SIRPA: variants seen among roughly 807,000 people sequenced by gnomAD.
SIRPA encodes the protein signal regulatory protein alpha.
A neutral mutation model predicts 50.3 loss-of-function variants in SIRPA; 9 were observed. The observed-to-expected ratio is 0.18, with a 90% confidence interval of 0.11 to 0.31. SIRPA has a LOEUF of 0.31. Ranked by LOEUF, SIRPA falls within the 10% of genes least tolerant of loss-of-function variation. The probability of loss-of-function intolerance (pLI) is 1.00; values close to 1 mark genes in which losing one functional copy is unlikely to be tolerated. For synonymous variants in SIRPA, 265 were observed against 284.1 expected, an observed-to-expected ratio of 0.93 and a Z score of 0.68; for missense variants, 474 against 661.6, an observed-to-expected ratio of 0.72 and a Z score of 3.11.
chr20:1,916,262 T>C (rs1327183767), intron 2 of SIRPA, among the ~76,000 whole-genome samples: 1 of 152,150 alleles, frequency 6.6e-6, no homozygotes, highest in Non-Finnish European at 1.5e-5. Flanking sequence ...TTGTTCTAAC[T>C]CCGAATCCTG....
chr20:1,912,826 G>A (rs1227107718), intron 1 of SIRPA, among the ~76,000 whole-genome samples: 1 of 152,200 alleles, frequency 6.6e-6, no homozygotes, highest in African/African-American at 2.4e-5. Context: ...GTGCTTCCCC[G>A]AGGCAGCCTT....
intron 1 of SIRPA, among the ~76,000 whole-genome samples, chr20:1,908,758 A>G (rs1600406279): frequency 1.3e-5 from 2 of 152,092 alleles, no homozygotes; most frequent in East Asian, 3.9e-4. Context: ...CATCCGCTTT[A>G]ATGTACACTC....
rs1033320320 is a variant in SIRPA, at chr20:1,895,492, C to T, written c.45C>T (p.Leu15=). The part of the protein sequence containing the change: ...GPAPGRLGPL[L]CLLLAASCAW... ...CCCCCGGCCGCCTCGGGCCGCTGCTCTGCCTGCTGCTCGCCGCGTCCTGCG... is the reference window on the plus strand; with the variant it reads ...CCCCCGGCCGCCTCGGGCCGCTGCTTTGCCTGCTGCTCGCCGCGTCCTGCG... Residue 15 remains leucine (L), a synonymous_variant, in exon 1 of 8, where the codon CTC becomes CTT. Coordinates refer to ENST00000358771, the MANE Select transcript of SIRPA (RefSeq NM_001040023.2). The T allele has an allele frequency of 3.4e-6, 5 of 1,459,512 alleles. No homozygotes were observed. The highest frequency in any genetic ancestry group is 3.0e-5 in the East Asian group (1 of 33,490). 90.4% of individuals were successfully genotyped at this position (1,459,512 alleles called of 1,614,324 possible). A position where few individuals can be genotyped will look rare whatever the true frequency, so the allele number is the denominator to read the frequency against.
chr20:1,895,521 G>A lies in SIRPA; in HGVS notation c.74G>A (p.Trp25Ter). 1 of 1,458,556 alleles carries A rather than the reference G, an allele frequency of 6.9e-7. No individual in the cohort carries two copies. The highest frequency in any genetic ancestry group is 3.0e-5 in the East Asian group (1 of 33,394). 90.4% of individuals were successfully genotyped at this position (1,458,556 alleles called of 1,614,324 possible). ...LCLLLAASCA[W>*]SGVAGEEELQ... ...CTGCTGCTCGCCGCGTCCTGCGCCT[G>A]GTCAGGTAAGCACCCCCCCGCTCCC... Residue 25 changes from tryptophan (W) to a stop codon, truncating the protein, a stop_gained, in exon 1 of 8, where the codon TGG (tryptophan) becomes TAG (stop). Coordinates refer to ENST00000358771, the MANE Select transcript of SIRPA (RefSeq NM_001040023.2). LOFTEE classifies it high-confidence loss of function.
At chr20:1,930,934 A>G (rs533703636) in intron 6 of SIRPA, among the ~76,000 whole-genome samples, 1 of 152,216 alleles carries the variant, frequency 6.6e-6, no homozygotes, top group Admixed American at 6.5e-5. Context: ...CGATTAGACA[A>G]TGAGTTTCTG....
chr20:1,914,924 C>T (rs66523711), intron 1 of SIRPA, among the ~76,000 whole-genome samples, 175 bp from the exon 2 acceptor site: 61,864 of 151,650 alleles, frequency 0.41, 12,941 homozygotes, highest in East Asian at 0.66. Flanking sequence ...ACTTAGAATA[C>T]AGGCTCATGT....
chr20:1,903,781 A>G (rs1001291674), intron 1 of SIRPA, among the ~76,000 whole-genome samples: 1 of 151,816 alleles, frequency 6.6e-6, no homozygotes, highest in African/African-American at 2.4e-5. Context: ...TGCTGTCCCA[A>G]CCACCCCATT....
chr20:1,914,968 A>G (rs1388954961), intron 1 of SIRPA, 131 bp from the exon 2 acceptor site: 5 of 782,856 alleles, frequency 6.4e-6, no homozygotes, highest in Non-Finnish European at 1.0e-5. Flanking sequence ...ATGAGATGAT[A>G]CATGCACTAT....
chr20:1,934,786 A>G lies in SIRPA; in HGVS notation c.1266+32A>G, dbSNP rs773875185. ...TCCTTGGTGAGATGCCCTTCCTGGG[A>G]AACTCCGTGGCGTGGTTGCTTCACA... is the stretch of plus-strand genomic sequence containing the variant. On this transcript the variant is annotated intron_variant, in intron 7 of 7. Coordinates refer to ENST00000358771, the MANE Select transcript of SIRPA (RefSeq NM_001040023.2). The surrounding 1 kb of genome is among the most constrained non-coding windows in gnomAD (Gnocchi z 4.6). 1.2e-6 allele frequency: 2 copies of G among 1,613,076 alleles called. No individual in the cohort carries two copies. The highest frequency in any genetic ancestry group is 1.7e-6 in the Non-Finnish European group (2 of 1,179,234).
chr20:1,925,171 C>A (rs1341449088), intron 5 of SIRPA, among the ~76,000 whole-genome samples: 1 of 152,208 alleles, frequency 6.6e-6, no homozygotes, highest in East Asian at 1.9e-4. Flanking sequence ...GGCAGGGACT[C>A]TTCTTACCTG....
intron 1 of SIRPA, among the ~76,000 whole-genome samples, chr20:1,899,054 C>G (rs1224386052): frequency 1.3e-5 from 2 of 152,074 alleles, no homozygotes; most frequent in Non-Finnish European, 2.9e-5. Context: ...CTCCGTGCGA[C>G]AGGTTATTTT....
Position 1,937,492 on chromosome 20 carries a change from G to A in SIRPA, c.1439G>A (p.Arg480Gln), listed in dbSNP as rs566700469. The change falls in exon 8 of 8, where the codon CGG becomes CAG. Residue 480 changes from arginine (R) to glutamine (Q), a missense_variant. Arg to Gln is a conservative substitution (Grantham distance 43). This residue lies in a region of SIRPA where 180 missense variants were observed against 206.7 expected (regional missense o/e 0.87). Coordinates refer to ENST00000358771, the MANE Select transcript of SIRPA (RefSeq NM_001040023.2). The surrounding 1 kb of genome is among the most constrained non-coding windows in gnomAD (Gnocchi z 8.3). ...YADLDMVHLN[R>Q]TPKQPAPKPE... is the part of the protein sequence containing the mutation. ...GACCTGGACATGGTCCACCTCAACC[G>A]GACCCCCAAGCAGCCGGCCCCCAAG... 279 of 1,614,076 alleles carry A rather than the reference G, an allele frequency of 1.7e-4. 2 individuals are homozygous for A. The South Asian group carries it at 2.4e-3, about 14-fold the overall frequency.
At chr20:1,926,699 A>G (rs984624140) in intron 5 of SIRPA, among the ~76,000 whole-genome samples, 17 of 152,216 alleles carry the variant, frequency 1.1e-4, no homozygotes. Flanking sequence ...AGATGAGGAA[A>G]CTGAGGCATG....
At chr20:1,897,738 TG>T (rs1052806539) in intron 1 of SIRPA, among the ~76,000 whole-genome samples, 5 of 134,152 alleles carry the variant, frequency 3.7e-5, no homozygotes, top group South Asian at 5.2e-4. Flanking sequence ...ATCACTGTTT[TG>T]GGGGGGTGGG....
chr20:1,917,251 C>T (rs1412718816), intron 2 of SIRPA, among the ~76,000 whole-genome samples: 1 of 152,136 alleles, frequency 6.6e-6, no homozygotes, highest in Non-Finnish European at 1.5e-5. Flanking sequence ...GCCCCCTTTA[C>T]AGATAAGGAC....
chr20:1,927,258 G>A lies in SIRPA; in HGVS notation c.1202-617G>A, dbSNP rs543663726. Among the ~76,000 whole-genome samples the A allele has an allele frequency of 1.2e-4, 18 of 152,348 alleles. No individual in the cohort carries two copies. The highest frequency in any genetic ancestry group is 4.1e-4 in the African/African-American group (17 of 41,590). ...GTCAAACGGCTGCTGAACCCTGGAG[G>A]CTTCTCTGTGGGTTACCCCATATCA... On this transcript the variant is annotated intron_variant, in intron 5 of 7. Coordinates refer to ENST00000358771, the MANE Select transcript of SIRPA (RefSeq NM_001040023.2). The surrounding 1 kb of genome is among the most constrained non-coding windows in gnomAD (Gnocchi z 6.5).
At position 1,900,103 on chromosome 20, in the gene SIRPA, CT is replaced by C. The variant is rs11481009; in HGVS notation, c.79+4591del. 2.2e-3 allele frequency among the ~76,000 whole-genome samples: 275 copies of C among 127,126 alleles called. 1 individual carries two copies. The highest frequency in any genetic ancestry group is 3.2e-3 in the Non-Finnish European group (193 of 61,092). 83.4% of individuals were successfully genotyped at this position (127,126 alleles called of 152,430 possible). On this transcript the variant is annotated intron_variant, in intron 1 of 7. Transcript: ENST00000358771. ...ATTTTCCTTGTAGCTTTTTTTTTTT[CT>C]TTTTTTTTTTTTTGAGATGGAGTTT...
chr20:1,940,370 A>G lies in SIRPA; in HGVS notation c.*2802A>G, dbSNP rs1219515829. 1 of 152,200 alleles carries G rather than the reference A, an allele frequency of 6.6e-6. No individual in the cohort carries two copies. The highest frequency in any genetic ancestry group is 1.5e-5 in the Non-Finnish European group (1 of 68,146). 9.4% of individuals were successfully genotyped at this position (152,200 alleles called of 1,614,324 possible). ...CTCGTGGCCTCTCACCACTGATGGG[A>G]TCTCGGACACCCGGCTCACCCTCCT... On this transcript the variant is annotated 3_prime_UTR_variant, in exon 8 of 8. Transcript: ENST00000358771.
At chr20:1,904,834 C>T (rs913414260) in intron 1 of SIRPA, among the ~76,000 whole-genome samples, 1 of 152,128 alleles carries the variant, frequency 6.6e-6, no homozygotes, top group African/African-American at 2.4e-5. Flanking sequence ...TGCATGTCCT[C>T]CTGGCCCTTT....
Sources: allele counts gnomAD v4.1 joint callset (sites outside exome capture counted in the v4.1 genomes callset), GRCh38; gene constraint gnomAD v4.1.1; regional missense constraint gnomAD v4.1.1; non-coding constraint Gnocchi (gnomAD v3.1); transcripts MANE v1.5; gene names NCBI Gene and HGNC (gene_info 2026-07-23, HGNC 2026-07-21).